Variants in RPGRIP1L observed in about 807,000 individuals in gnomAD.
RPGRIP1L encodes the protein protein fantom.
A neutral mutation model predicts 160.4 loss-of-function variants in RPGRIP1L; 131 were observed. The ratio of observed to expected loss-of-function variants is 0.82; its 90% CI spans 0.71 to 0.94. The LOEUF is 0.94. RPGRIP1L is among the 40% of genes least tolerant of loss of function. The probability of loss-of-function intolerance (pLI) is 0.00; values close to 1 mark genes in which losing one functional copy is unlikely to be tolerated. For missense variants in RPGRIP1L, 1,522 were observed against 1,535.8 expected (o/e 0.99, Z 0.15); for synonymous variants, 510 against 515.8 (o/e 0.99, Z 0.15).
At position 53,652,806 on chromosome 16, in the gene RPGRIP1L, T is replaced by C. The variant is rs774731949; in HGVS notation, c.1881A>G (p.Lys627=). ...CATAGGTACAGAAAGTGACAGGCTC[T>C]TTATCTCCAGATGCCTGTAAAACTT... is the stretch of plus-strand genomic sequence containing the variant. ...SSEVLQASGD[K]EPVTFCTYAF... is the part of the protein sequence containing the mutation. Residue 627 remains lysine, a synonymous_variant, in exon 15 of 27, where the codon AAA becomes AAG. Transcript: ENST00000647211. 18 of 1,613,986 alleles carry C rather than the reference T, an allele frequency of 1.1e-5. No individual in the cohort carries two copies. The highest frequency in any genetic ancestry group is 1.6e-4 in the Middle Eastern group (1 of 6,080).
At chr16:53,697,001 C>T (rs1194748057) in intron 2 of RPGRIP1L, among the ~76,000 whole-genome samples, 1 of 152,106 alleles carries the variant, frequency 6.6e-6, no homozygotes, top group Non-Finnish European at 1.5e-5. Context: ...CAAGACCAGC[C>T]TGGCCAACAT....
chr16:53,648,611 C>A (rs1311183327), intron 16 of RPGRIP1L, among the ~76,000 whole-genome samples: 1 of 89,830 alleles, frequency 1.1e-5, no homozygotes, highest in Admixed American at 1.1e-4. Context: ...TACGTACGCG[C>A]GTGCGCGCGC....
At chr16:53,696,102 C>T in intron 3 of RPGRIP1L, 49 bp downstream of exon 3, 6 of 1,586,888 alleles carry the variant, frequency 3.8e-6, no homozygotes, top group Non-Finnish European at 5.2e-6. Context: ...ACCATACCCT[C>T]CAAATTTTAC....
chr16:53,612,487 G>T (rs1480455192), intron 24 of RPGRIP1L, among the ~76,000 whole-genome samples: 1 of 138,410 alleles, frequency 7.2e-6, no homozygotes, highest in Non-Finnish European at 1.5e-5. Flanking sequence ...TTTCCAAATG[G>T]GATTTTTTTT....
At chr16:53,628,361 T>C (rs2150999490) in intron 22 of RPGRIP1L, 1 of 152,292 alleles carries the variant, frequency 6.6e-6, no homozygotes, top group Non-Finnish European at 1.5e-5. Flanking sequence ...GAGCCATATG[T>C]AAGTAGGGTA....
intron 3 of RPGRIP1L, chr16:53,695,677 A>T (rs1970700433): frequency 5.9e-6 from 3 of 507,422 alleles, no homozygotes; most frequent in Non-Finnish European, 1.0e-5. Flanking sequence ...TTTGAAATCA[A>T]TATAGAATCT....
In RPGRIP1L at chr16:53,683,698, A is replaced by G. The variant is rs866751467; in HGVS notation, c.776+2735T>C. Among the ~76,000 whole-genome samples, 603 of 150,574 alleles carry G rather than the reference A, an allele frequency of 4.0e-3. 6 individuals are homozygous for G. The highest frequency in any genetic ancestry group is 0.014 in the African/African-American group (571 of 41,452). ...TTTTGAGTACACTTAGTTCAAAAAA[A>G]AAAAAAAGAAAAAAATCCAGAAAGG... is the stretch of plus-strand genomic sequence containing the variant. On this transcript the variant is annotated intron_variant, in intron 6 of 26. Coordinates refer to ENST00000647211, the MANE Select transcript of RPGRIP1L (RefSeq NM_015272.5).
rs2150908491 is a variant in RPGRIP1L, at chr16:53,601,704, T to C, written c.*372A>G. The C allele has an allele frequency of 4.5e-6, 1 of 223,762 alleles. No homozygotes were observed. The highest frequency in any genetic ancestry group is 9.1e-6 in the Non-Finnish European group (1 of 110,000). The allele number at this position is 223,762 out of a possible 1,614,324, so 13.9% of individuals were successfully genotyped here. A position where few individuals can be genotyped will look rare whatever the true frequency, so the allele number is the denominator to read the frequency against. On this transcript the variant is annotated 3_prime_UTR_variant, in exon 27 of 27. Coordinates refer to ENST00000647211, the MANE Select transcript of RPGRIP1L (RefSeq NM_015272.5). ...ATAACATAAAAGTATTTCTTTTTCATAGGTTTTCTAAGATTTATGCTTTTG... is the reference window on the plus strand; with the variant it reads ...ATAACATAAAAGTATTTCTTTTTCACAGGTTTTCTAAGATTTATGCTTTTG...
In RPGRIP1L at chr16:53,641,045, T is replaced by C. The variant is rs1254751869; in HGVS notation, c.2946A>G (p.Pro982=). The C allele has an allele frequency of 1.9e-6, 3 of 1,611,334 alleles. No individual in the cohort carries two copies. Among genetic ancestry groups the C allele is most frequent in the Non-Finnish European group, 2.5e-6 (3 of 1,177,608 alleles). The change falls in exon 19 of 27, where the codon CCA becomes CCG. Residue 982 remains proline (P), a synonymous_variant. Transcript: ENST00000647211. ...DKKVSFVDIM[P]HQSDETSPPP... The stretch of plus-strand genomic sequence containing the variant: ...GTCTACTACTTACATCACTCTGATG[T>C]GGCATGATATCCACGAAAGATACCT...
rs180909866 is a variant in RPGRIP1L at position 53,620,634 on chromosome 16, T to A, written c.3433-1426A>T. 2.6e-5 allele frequency among the ~76,000 whole-genome samples: 4 copies of A among 152,288 alleles called. No homozygotes were observed. In the East Asian group the frequency reaches 7.7e-4, roughly 29 times the overall value. Reference sequence around the variant, plus strand: ...TTAAAGTGATGGTCTTTGACTTGAATATGCTTTTCATATTCAAATTTGAAA... The same window carrying A: ...TTAAAGTGATGGTCTTTGACTTGAAAATGCTTTTCATATTCAAATTTGAAA... On this transcript the variant is annotated intron_variant, in intron 23 of 26. Transcript: ENST00000647211.
In RPGRIP1L at chr16:53,601,853, A is replaced by C; in HGVS notation, c.*223T>G. The stretch of plus-strand genomic sequence containing the variant: ...ATTGAGAAGGTACTGCCCATTATGG[A>C]GAACTTAAGTCCTGAGGGGTGGCAG... On this transcript the variant is annotated 3_prime_UTR_variant, in exon 27 of 27. Coordinates refer to ENST00000647211, the MANE Select transcript of RPGRIP1L (RefSeq NM_015272.5). 1 of 525,618 alleles carries C rather than the reference A, an allele frequency of 1.9e-6. No individual in the cohort carries two copies. Among genetic ancestry groups the C allele is most frequent in the Non-Finnish European group, 3.5e-6 (1 of 289,524 alleles). The allele number at this position is 525,618 out of a possible 1,614,324, so 32.6% of individuals were successfully genotyped here.
At chr16:53,641,596 G>GGGGTACAACCACC in intron 17 of RPGRIP1L, 121 bp from the exon 18 acceptor site, 1 of 889,584 alleles carries the variant, frequency 1.1e-6, no homozygotes, top group Non-Finnish European at 1.8e-6. Context: ...AACTAGCCAG[G>GGGGTACAACCACC]TGGTTGTACC....
At chr16:53,698,075 G>A (rs527508680) in intron 2 of RPGRIP1L, among the ~76,000 whole-genome samples, 1 of 151,500 alleles carries the variant, frequency 6.6e-6, no homozygotes, top group South Asian at 2.1e-4. Flanking sequence ...GAGGTGAGGA[G>A]CATCTCTGCC....
In RPGRIP1L at chr16:53,692,357, T is replaced by A; in HGVS notation, c.238A>T (p.Thr80Ser). The A allele has an allele frequency of 6.2e-7, 1 of 1,613,890 alleles. No homozygotes were observed. The highest frequency in any genetic ancestry group is 8.5e-7 in the Non-Finnish European group (1 of 1,179,820). The change falls in exon 4 of 27, where the codon ACC (threonine) becomes TCC (serine). Residue 80 changes from threonine to serine, a missense_variant. Coordinates refer to ENST00000647211, the MANE Select transcript of RPGRIP1L (RefSeq NM_015272.5). Reference sequence around the variant, plus strand: ...TCATTAACTAGCCGTATTAACTTGGTGGCCATTCTGGGGAAATAATAAAAA... The same window carrying A: ...TCATTAACTAGCCGTATTAACTTGGAGGCCATTCTGGGGAAATAATAAAAA... ...KQEDKIKRMA[T>S]KLIRLVNDKK... is the part of the protein sequence containing the mutation.
At chr16:53,690,591 A>T (rs1049245375) in intron 4 of RPGRIP1L, among the ~76,000 whole-genome samples, 2 of 152,222 alleles carry the variant, frequency 1.3e-5, no homozygotes, top group African/African-American at 4.8e-5. Context: ...CAGCTTCTCG[A>T]GGACTTTAGG....
At chr16:53,673,600 T>A (rs545063795) in intron 7 of RPGRIP1L, among the ~76,000 whole-genome samples, 11 of 152,230 alleles carry the variant, frequency 7.2e-5, no homozygotes, top group South Asian at 2.1e-4. Flanking sequence ...AGTTTTTTTT[T>A]AAAATAAAAA....
intron 22 of RPGRIP1L, among the ~76,000 whole-genome samples, chr16:53,628,034 G>T (rs1028178124): frequency 6.6e-6 from 1 of 151,866 alleles, no homozygotes; most frequent in Non-Finnish European, 1.5e-5. Context: ...AGAACTGCTG[G>T]GTAATAGGTA....
Position 53,649,081 on chromosome 16 carries a change from C to A in RPGRIP1L, c.2187G>T (p.Val729=). The part of the protein sequence containing the change: ...TKGDIPNFGT[V]EYWFRLRVPM... Reference sequence around the variant, plus strand: ...GAACTCTTAATCGGAACCAGTATTCCACTGTGCCAAAATTTGGGATGTCTC... The same window carrying A: ...GAACTCTTAATCGGAACCAGTATTCAACTGTGCCAAAATTTGGGATGTCTC... Residue 729 remains valine (V), a synonymous_variant, in exon 16 of 27, where the codon GTG becomes GTT. Transcript: ENST00000647211. 1 of 1,614,032 alleles carries A rather than the reference C, an allele frequency of 6.2e-7. No individual in the cohort carries two copies. Among genetic ancestry groups the A allele is most frequent in the Non-Finnish European group, 8.5e-7 (1 of 1,179,970 alleles).
chr16:53,673,167 T>C, intron 7 of RPGRIP1L, 151 bp from the exon 8 acceptor site: 1 of 745,878 alleles, frequency 1.3e-6, no homozygotes, highest in Non-Finnish European at 2.2e-6. Context: ...ACAAATGATG[T>C]ATACGTGCTA....
Sources: gnomAD v4.1 joint callset for allele counts (sites outside exome capture counted in the v4.1 genomes callset) on GRCh38, gnomAD v4.1.1 for gene constraint, MANE v1.5 for transcripts, NCBI Gene and HGNC (gene_info 2026-07-23, HGNC 2026-07-21) for gene names.